Variants in KCNG3 observed in about 807,000 individuals in gnomAD.
KCNG3 encodes the protein voltage-gated potassium channel regulatory subunit KCNG3.
KCNG3 carries 15 observed loss-of-function variants against 29.0 expected under a neutral mutation model. The ratio of observed to expected loss-of-function variants is 0.52; its 90% confidence interval spans 0.35 to 0.80. KCNG3 has a LOEUF of 0.80. Ranked by LOEUF, KCNG3 falls within the 30% of genes least tolerant of loss-of-function variation. The probability of loss-of-function intolerance (pLI) is 0.01; values close to 1 mark genes in which losing one functional copy is unlikely to be tolerated. For missense variants in KCNG3, 512 were observed against 605.7 expected (o/e 0.85, Z 1.62); for synonymous variants, 322 against 248.9 (o/e 1.29, Z -2.76).
the KCNG3 span, among the ~76,000 whole-genome samples, chr2:42,405,678 G>A: frequency 6.6e-6 from 1 of 152,026 alleles, no homozygotes; most frequent in African/African-American, 2.4e-5. Context: ...CGCAATCTCA[G>A]CTCACTGAAA....
chr2:42,464,475 A>T (rs1368214764), intron 1 of KCNG3, among the ~76,000 whole-genome samples: 8 of 152,300 alleles, frequency 5.3e-5, no homozygotes, highest in Admixed American at 5.2e-4. Context: ...GAATACAAAA[A>T]CATTCGCAGT....
At chr2:42,483,215 T>C (rs1273427530) in intron 1 of KCNG3, among the ~76,000 whole-genome samples, 1 of 152,220 alleles carries the variant, frequency 6.6e-6, no homozygotes, top group Non-Finnish European at 1.5e-5. Context: ...GTGTTATTAA[T>C]ATAGGATCCT....
At chr2:42,395,169 C>T in the KCNG3 span, among the ~76,000 whole-genome samples, 16 of 152,180 alleles carry the variant, frequency 1.1e-4, no homozygotes, top group Admixed American at 9.8e-4. Flanking sequence ...ATAAAGGATA[C>T]AAGCCCATGG....
the KCNG3 span, among the ~76,000 whole-genome samples, chr2:42,433,424 C>A: frequency 1.3e-5 from 2 of 152,006 alleles, no homozygotes; most frequent in African/African-American, 4.8e-5. Flanking sequence ...GATCTACCAT[C>A]AATGTGGGCA....
chr2:42,459,766 G>C (rs531608825), intron 1 of KCNG3, among the ~76,000 whole-genome samples: 1 of 152,282 alleles, frequency 6.6e-6, no homozygotes, highest in Non-Finnish European at 1.5e-5. Flanking sequence ...CATGAGGTCA[G>C]GAGATCGAGA....
intron 1 of KCNG3, among the ~76,000 whole-genome samples, chr2:42,465,074 G>A (rs1673106869): frequency 6.6e-6 from 1 of 152,126 alleles, no homozygotes. Context: ...TATTTGGTGT[G>A]TTGATTTTAA....
chr2:42,480,774 A>C (rs1351381043), intron 1 of KCNG3, among the ~76,000 whole-genome samples: 1 of 151,722 alleles, frequency 6.6e-6, no homozygotes, highest in East Asian at 1.9e-4. Context: ...AAAAAAAAAA[A>C]AAAAAGTAAA....
Position 42,492,876 on chromosome 2 carries a change from C to G in KCNG3, c.626G>C (p.Arg209Pro). The G allele has an allele frequency of 1.3e-6, 2 of 1,535,336 alleles. No individual in the cohort carries two copies. The highest frequency in any genetic ancestry group is 2.4e-5 in the East Asian group (1 of 41,674). ...AAADNRSLDD[R>P]SRYSAGPGRE... Reference sequence around the variant, plus strand: ...CCCAGGGCCGGCGGAGTACCTGCTCCGGTCATCCAGGCTGCGGTTGTCGGC... The same window carrying G: ...CCCAGGGCCGGCGGAGTACCTGCTCGGGTCATCCAGGCTGCGGTTGTCGGC... The change falls in exon 1 of 2, where the codon CGG becomes CCG. Residue 209 changes from arginine (R) to proline (P), a missense_variant. By Grantham distance (103) the Arg-to-Pro change is moderately radical. Coordinates refer to ENST00000306078, the MANE Select transcript of KCNG3 (RefSeq NM_133329.6).
At chr2:42,436,294 T>A in the KCNG3 span, among the ~76,000 whole-genome samples, 1 of 152,250 alleles carries the variant, frequency 6.6e-6, no homozygotes, top group East Asian at 1.9e-4. Context: ...GTTCTGGAGT[T>A]AGATAGTGGT....
rs1233224394 is a variant in KCNG3 at position 42,462,710 on chromosome 2, A to T, written c.666-18131T>A. Reference sequence around the variant, plus strand: ...AATAAATAAATAAATAATAAAAATTAAAAAGTCTTTGTCAGGTGAATTTGT... The same window carrying T: ...AATAAATAAATAAATAATAAAAATTTAAAAGTCTTTGTCAGGTGAATTTGT... On this transcript the variant is annotated intron_variant, in intron 1 of 1. Coordinates refer to ENST00000306078, the MANE Select transcript of KCNG3 (RefSeq NM_133329.6). 3.9e-5 allele frequency among the ~76,000 whole-genome samples: 6 copies of T among 152,136 alleles called. No homozygotes were observed. In the South Asian group the frequency reaches 6.2e-4, roughly 16 times the overall value.
chr2:42,466,122 T>C (rs1336651157), intron 1 of KCNG3, among the ~76,000 whole-genome samples: 2 of 152,154 alleles, frequency 1.3e-5, no homozygotes, highest in African/African-American at 4.8e-5. Flanking sequence ...AATACACAAA[T>C]AGGCTAGGCA....
At chr2:42,472,671 G>T (rs915821997) in intron 1 of KCNG3, among the ~76,000 whole-genome samples, 1 of 150,312 alleles carries the variant, frequency 6.7e-6, no homozygotes, top group African/African-American at 2.4e-5. Context: ...GCTAATTTTT[G>T]TATTTTTTGG....
chr2:42,457,748 C>T (rs1358237823), intron 1 of KCNG3, among the ~76,000 whole-genome samples: 1 of 150,482 alleles, frequency 6.6e-6, no homozygotes. Context: ...CCCAGGAGTT[C>T]GAGGCTGCAG....
At chr2:42,472,433 G>C (rs1163794076) in intron 1 of KCNG3, among the ~76,000 whole-genome samples, 1 of 151,996 alleles carries the variant, frequency 6.6e-6, no homozygotes, top group African/African-American at 2.4e-5. Context: ...TCAAAGTCAG[G>C]AGAGTGCCAC....
At chr2:42,492,019 C>CT (rs1673891043) in intron 1 of KCNG3, among the ~76,000 whole-genome samples, 1 of 152,122 alleles carries the variant, frequency 6.6e-6, no homozygotes, top group South Asian at 2.1e-4. Flanking sequence ...CAGGAAAGTG[C>CT]TATCACCACT....
chr2:42,397,244 CAAA>C, the KCNG3 span, among the ~76,000 whole-genome samples: 1 of 99,190 alleles, frequency 1.0e-5, no homozygotes. Flanking sequence ...AACTCCATCT[CAAA>C]AAAAAAAAAG....
chr2:42,466,251 C>A (rs555372593), intron 1 of KCNG3, among the ~76,000 whole-genome samples: 3 of 152,112 alleles, frequency 2.0e-5, no homozygotes, highest in African/African-American at 7.2e-5. Flanking sequence ...AACAAAAATA[C>A]AAAAATTAGT....
the KCNG3 span, among the ~76,000 whole-genome samples, chr2:42,416,716 G>A: frequency 6.6e-6 from 1 of 151,738 alleles, no homozygotes; most frequent in East Asian, 1.9e-4. Context: ...TACTCAGGAG[G>A]CCAAAGTGGG....
the KCNG3 span, among the ~76,000 whole-genome samples, chr2:42,398,147 C>T: frequency 6.6e-6 from 1 of 151,856 alleles, no homozygotes. Flanking sequence ...GGCGTGATCC[C>T]AGGAGGCGGA....
Sources: gnomAD v4.1 joint callset for allele counts (sites outside exome capture counted in the v4.1 genomes callset) on GRCh38, gnomAD v4.1.1 for gene constraint, MANE v1.5 for transcripts, NCBI Gene and HGNC (gene_info 2026-07-23, HGNC 2026-07-21) for gene names.